CCAR2: variants seen among roughly 807,000 people sequenced by gnomAD.
CCAR2 encodes the protein cell cycle and apoptosis regulator protein 2.
CCAR2 carries 21 observed loss-of-function variants against 108.1 expected under a neutral mutation model. The ratio of observed to expected loss-of-function variants is 0.19; its 90% CI spans 0.14 to 0.28. The LOEUF (loss-of-function observed/expected upper bound fraction) is 0.28, where lower values mean the gene tolerates loss of function less well. Ranked by LOEUF, CCAR2 falls within the 10% of genes least tolerant of loss-of-function variation. The pLI is 1.00. For missense variants in CCAR2, 1,126 were observed against 1,177.0 expected (o/e 0.96, Z 0.63); for synonymous variants, 577 against 472.8 (o/e 1.22, Z -2.86).
Position 22,618,849 on chromosome 8 carries a change from T to C in CCAR2, c.2355T>C (p.Pro785=). 1.2e-6 allele frequency: 2 copies of C among 1,613,796 alleles called. No homozygotes were observed. The highest frequency in any genetic ancestry group is 2.2e-5 in the South Asian group (2 of 91,072). Residue 785 remains proline, a synonymous_variant, in exon 19 of 21, where the codon CCT becomes CCC. Transcript: ENST00000308511. ...TAGGAAACCTGGACCTGCTGCCCCC[T>C]CCTGGGAAAAGCACGAAGCCAGGTG... The part of the protein sequence containing the change: ...VLFGNLDLLP[P]PGKSTKPGAA...
Position 22,617,563 on chromosome 8 carries a change from T to C in CCAR2, c.1989T>C (p.Phe663=), listed in dbSNP as rs764299605. The change falls in exon 15 of 21, where the codon TTT becomes TTC. Residue 663 remains phenylalanine, a splice_region_variant and synonymous_variant. Coordinates refer to ENST00000308511, the MANE Select transcript of CCAR2 (RefSeq NM_001393997.1). The stretch of plus-strand genomic sequence containing the variant: ...TGAGGGATGATGGAGAGGAGGAGTT[T>C]GGTATGTTGAGTGGTGAGAGGGGAG... ...LLLRDDGEEE[F]AGAKLEDSEV... is the part of the protein sequence containing the mutation. 5 of 1,598,976 alleles carry C rather than the reference T, an allele frequency of 3.1e-6. No homozygotes were observed. The African/African-American group carries it at 4.0e-5, about 13-fold the overall frequency.
In CCAR2 at chr8:22,615,462, C is replaced by A. The variant is rs942826910; in HGVS notation, c.1243C>A (p.Pro415Thr). The A allele has an allele frequency of 6.2e-7, 1 of 1,612,664 alleles. No homozygotes were observed. The highest frequency in any genetic ancestry group is 8.5e-7 in the Non-Finnish European group (1 of 1,179,394). Residue 415 changes from proline to threonine, a missense_variant, in exon 12 of 21, where the codon CCC (proline) becomes ACC (threonine). Coordinates refer to ENST00000308511, the MANE Select transcript of CCAR2 (RefSeq NM_001393997.1). ...CGAGTTTCAGTACCTGCAGCCGGGA[C>A]CCCCCCGGCGGCTTCAGACAGTGGT... ...FAEFQYLQPG[P>T]PRRLQTVVVY... is the part of the protein sequence containing the mutation.
intron 1 of CCAR2, chr8:22,605,521 ATGCACCAC>A (rs1801035362): frequency 3.7e-6 from 2 of 541,858 alleles, no homozygotes; most frequent in Admixed American, 3.3e-5. Flanking sequence ...TGACAGTATC[ATGCACCAC>A]TAGGTTATTG....
chr8:22,615,783 G>C lies in CCAR2; in HGVS notation c.1479G>C (p.Thr493=). 3 of 1,613,928 alleles carry C rather than the reference G, an allele frequency of 1.9e-6. No homozygotes were observed. The highest frequency in any genetic ancestry group is 2.5e-6 in the Non-Finnish European group (3 of 1,179,998). The change falls in exon 13 of 21, where the codon ACG becomes ACC. Residue 493 remains threonine (T), a synonymous_variant. Transcript: ENST00000308511. ...CAGAGGCCACCACACAGCAGGAAAC[G>C]GACACTGATCTCCCAGAGGCCCCTC... is the stretch of plus-strand genomic sequence containing the variant. The part of the protein sequence containing the change: ...ETPEATTQQE[T]DTDLPEAPPP...
Position 22,607,463 on chromosome 8 carries a change from T to C in CCAR2, c.487+138T>C, listed in dbSNP as rs991475295. 1.2e-5 allele frequency: 11 copies of C among 885,850 alleles called. 1 individual carries two copies. In the South Asian group the frequency reaches 1.6e-4, roughly 13 times the overall value. The allele number at this position is 885,850 out of a possible 1,614,324, so 54.9% of individuals were successfully genotyped here. A position where few individuals can be genotyped will look rare whatever the true frequency, so the allele number is the denominator to read the frequency against. ...AAGGTGGGCAATCTGGATAGGTGTT[T>C]AGGGTTTTTTTTTTTTTTTTTTTTG... On this transcript the variant is annotated intron_variant, in intron 6 of 20. Coordinates refer to ENST00000308511, the MANE Select transcript of CCAR2 (RefSeq NM_001393997.1).
chr8:22,611,731 G>C (rs555108595), intron 7 of CCAR2, among the ~76,000 whole-genome samples: 1 of 152,078 alleles, frequency 6.6e-6, no homozygotes, highest in Non-Finnish European at 1.5e-5. Flanking sequence ...GTGATTGTTT[G>C]TATTTACTAT....
At chr8:22,616,527 A>G in intron 14 of CCAR2, 1 of 480,160 alleles carries the variant, frequency 2.1e-6, no homozygotes, top group Non-Finnish European at 3.8e-6. Flanking sequence ...TTAACTAGAA[A>G]ATTTTGTAGG....
Position 22,619,804 on chromosome 8 carries a change from C to A in CCAR2, c.*122C>A. 9.7e-7 allele frequency: 1 copy of A among 1,030,560 alleles called. No homozygotes were observed. The highest frequency in any genetic ancestry group is 1.4e-5 in the South Asian group (1 of 71,304). 63.8% of individuals were successfully genotyped at this position (1,030,560 alleles called of 1,614,324 possible). The stretch of plus-strand genomic sequence containing the variant: ...GGAGCCAGGGCAGGGGTGGCTGACC[C>A]CATGCTCAGCCTCTAGGGGACGGCA... On this transcript the variant is annotated 3_prime_UTR_variant, in exon 21 of 21. Transcript: ENST00000308511.
In CCAR2 at chr8:22,619,857, T is replaced by C. The variant is rs200729920; in HGVS notation, c.*175T>C. On this transcript the variant is annotated 3_prime_UTR_variant, in exon 21 of 21. Coordinates refer to ENST00000308511, the MANE Select transcript of CCAR2 (RefSeq NM_001393997.1). ...CCATCAGGCTGGGGGCTGTGCTATG[T>C]GGGATGGATGTGTGAGGAACCCCGG... The C allele has an allele frequency of 1.0e-4, 64 of 640,136 alleles. 1 individual carries two copies. In the East Asian group the frequency reaches 1.1e-3, roughly 11 times the overall value. 39.7% of individuals were successfully genotyped at this position (640,136 alleles called of 1,614,324 possible). A position where few individuals can be genotyped will look rare whatever the true frequency, so the allele number is the denominator to read the frequency against.
chr8:22,616,150 G>A lies in CCAR2; in HGVS notation c.1747G>A (p.Ala583Thr), dbSNP rs1454923266. 1 of 1,613,994 alleles carries A rather than the reference G, an allele frequency of 6.2e-7. No individual in the cohort carries two copies. The change falls in exon 14 of 21, where the codon GCC becomes ACC. Residue 583 changes from alanine to threonine, a missense_variant. By Grantham distance (58) the Ala-to-Thr change is moderately conservative (BLOSUM62 0). Coordinates refer to ENST00000308511, the MANE Select transcript of CCAR2 (RefSeq NM_001393997.1). ...PEKEEAAKEE[A>T]TKEEEAIKEE... ...GAAGGAGGAGGCGGCCAAGGAAGAA[G>A]CCACCAAGGAGGAAGAAGCCATCAA...
chr8:22,610,188 CA>C (rs1252225774), intron 7 of CCAR2, among the ~76,000 whole-genome samples: 1 of 152,132 alleles, frequency 6.6e-6, no homozygotes, highest in Non-Finnish European at 1.5e-5. Flanking sequence ...AGAGTGGGGC[CA>C]GGGGTAGTAG....
intron 7 of CCAR2, among the ~76,000 whole-genome samples, chr8:22,611,406 A>ATGTGTGTGTATATATGTGTGTATATATG (rs1801274382): frequency 3.3e-5 from 1 of 30,568 alleles, no homozygotes; most frequent in Non-Finnish European, 7.2e-5. Flanking sequence ...GTGTGTGTGT[A>ATGTGTGTGTATATATGTGTGTATATATG]TGTGTGTGTA....
chr8:22,613,196 T>C (rs185050293), intron 8 of CCAR2, 60 bp downstream of exon 8: 18 of 1,478,692 alleles, frequency 1.2e-5, no homozygotes, highest in Non-Finnish European at 1.4e-5. Flanking sequence ...CTTATGTAAA[T>C]GAGATGGCGT....
chr8:22,618,211 C>A, intron 16 of CCAR2, 138 bp from the exon 17 acceptor site: 1 of 1,145,620 alleles, frequency 8.7e-7, no homozygotes, highest in Non-Finnish European at 1.3e-6. Context: ...CTGCCTTAGC[C>A]TCCCCAGCAG....
rs147002132 is a variant in CCAR2, at chr8:22,614,999, G to C, written c.1203G>C (p.Lys401Asn). The C allele has an allele frequency of 4.5e-6, 7 of 1,565,946 alleles. No individual in the cohort carries two copies. The African/African-American group carries it at 9.5e-5, about 21-fold the overall frequency. Residue 401 changes from lysine (K) to asparagine (N), a missense_variant and splice_region_variant, in exon 11 of 21, where the codon AAG becomes AAC. Transcript: ENST00000308511. ...GCATTGATTTGAGCGGCTGTACCAAGTGGTGAGTGGGCTTCCTGAGCCTCA... is the reference window on the plus strand; with the variant it reads ...GCATTGATTTGAGCGGCTGTACCAACTGGTGAGTGGGCTTCCTGAGCCTCA... ...QTGIDLSGCT[K>N]WWRFAEFQYL...
chr8:22,610,887 G>A (rs1045065196), intron 7 of CCAR2, among the ~76,000 whole-genome samples: 1 of 152,096 alleles, frequency 6.6e-6, no homozygotes, highest in African/African-American at 2.4e-5. Context: ...AGTCTGGCAC[G>A]TTATAATGAA....
chr8:22,617,821 G>A (rs376966990), intron 16 of CCAR2, 43 bp downstream of exon 16: 3 of 1,595,326 alleles, frequency 1.9e-6, no homozygotes, highest in Non-Finnish European at 2.6e-6. Context: ...GTGGTGGTGA[G>A]GCTTGGCAAG....
intron 14 of CCAR2, 124 bp from the exon 15 acceptor site, chr8:22,617,296 G>GTATC: frequency 9.3e-7 from 1 of 1,072,972 alleles, no homozygotes; most frequent in South Asian, 2.5e-5. Context: ...AAATGAGACG[G>GTATC]TATCTGTAGA....
At chr8:22,614,668 T>C (rs1801425471) in intron 10 of CCAR2, 165 bp downstream of exon 10, 4 of 1,046,410 alleles carry the variant, frequency 3.8e-6, no homozygotes, top group Non-Finnish European at 4.3e-6. Context: ...CTGTTACGAC[T>C]AGTCAGAGAG....
Sources: gnomAD v4.1 joint callset for allele counts (sites outside exome capture counted in the v4.1 genomes callset) on GRCh38, gnomAD v4.1.1 for gene constraint, MANE v1.5 for transcripts, NCBI Gene and HGNC (gene_info 2026-07-23, HGNC 2026-07-21) for gene names.